TMPRSS2: variants seen among roughly 807,000 people sequenced by gnomAD.
TMPRSS2 encodes the protein transmembrane protease serine 2.
In TMPRSS2, 59 loss-of-function variants were observed where a neutral mutation model predicts 67.4. The observed-to-expected ratio is 0.88, with a 90% confidence interval of 0.71 to 1.09. The LOEUF (loss-of-function observed/expected upper bound fraction) is 1.09, where lower values mean the gene tolerates loss of function less well. Ranked by LOEUF, TMPRSS2 falls within the 50% of genes least tolerant of loss-of-function variation. The pLI is 0.00. For synonymous variants in TMPRSS2, 257 were observed against 257.0 expected, an observed-to-expected ratio of 1.00 and a Z score of 0.00; for missense variants, 668 against 642.7, an observed-to-expected ratio of 1.04 and a Z score of -0.43.
intron 13 of TMPRSS2, among the ~76,000 whole-genome samples, chr21:41,466,362 G>A (rs2091084060): frequency 6.6e-6 from 1 of 152,240 alleles, no homozygotes; most frequent in South Asian, 2.1e-4. Context: ...GGCAGCGGAT[G>A]TGGAGGCCGG....
chr21:41,466,626 G>GC (rs1569007714), intron 13 of TMPRSS2, among the ~76,000 whole-genome samples: 2 of 152,192 alleles, frequency 1.3e-5, no homozygotes, highest in African/African-American at 4.8e-5. Context: ...GCCAGGTGAC[G>GC]CCCCCTGGGC....
Position 41,480,518 on chromosome 21 carries a change from T to C in TMPRSS2, c.530A>G (p.Asn177Ser), listed in dbSNP as rs2091248660. ...GCAGGCCGCCCGCCCGTAGTTCTCG[T>C]TCCAGTCGTCTTGGCACACAGGGTG... ...SWHPVCQDDW[N>S]ENYGRAACRD... The change falls in exon 6 of 14, where the codon AAC becomes AGC. Residue 177 changes from asparagine to serine, a missense_variant. Transcript: ENST00000332149. 6.2e-7 allele frequency: 1 copy of C among 1,613,632 alleles called. No individual in the cohort carries two copies. Among genetic ancestry groups the C allele is most frequent in the Non-Finnish European group, 8.5e-7 (1 of 1,180,058 alleles).
At chr21:41,476,981 G>A (rs2091218811) in intron 7 of TMPRSS2, among the ~76,000 whole-genome samples, 3 of 152,152 alleles carry the variant, frequency 2.0e-5, no homozygotes, top group Admixed American at 6.5e-5. Flanking sequence ...AAGCCATTTG[G>A]AAACCTCTGG....
intron 6 of TMPRSS2, among the ~76,000 whole-genome samples, chr21:41,479,987 T>A (rs2091243934): frequency 6.6e-6 from 1 of 152,118 alleles, no homozygotes; most frequent in Non-Finnish European, 1.5e-5. Context: ...TTTTTAAGTA[T>A]CAGTCTGATT....
rs560639139 is a variant in TMPRSS2 at position 41,494,438 on chromosome 21, G to A, written c.156C>T (p.Tyr52=). 47 of 1,613,186 alleles carry A rather than the reference G, an allele frequency of 2.9e-5. No individual in the cohort carries two copies. The Middle Eastern group carries it at 4.9e-4, about 17-fold the overall frequency. ...AQYYPSPVPQ[Y]APRVLTQASN... ...AAGCCTGCGTCAGGACCCTCGGGGC[G>A]TACTGGGGCACGGGGGACGGGTAGT... The change falls in exon 3 of 14, where the codon TAC becomes TAT. Residue 52 remains tyrosine, a synonymous_variant. Coordinates refer to ENST00000332149, the MANE Select transcript of TMPRSS2 (RefSeq NM_005656.4).
chr21:41,480,626 A>G (rs775182598), intron 5 of TMPRSS2, 24 bp from the exon 6 acceptor site: 12 of 1,612,724 alleles, frequency 7.4e-6, no homozygotes, highest in Admixed American at 1.7e-5. Context: ...AGGATTATCC[A>G]TGAGTTTCTT....
Position 41,476,635 on chromosome 21 carries a change from G to T in TMPRSS2, c.684-15C>A, listed in dbSNP as rs62217528. The T allele has an allele frequency of 8.9e-4, 15 of 16,902 alleles. No homozygotes were observed. Among genetic ancestry groups the T allele is most frequent in the Non-Finnish European group, 5.5e-3 (5 of 910 alleles). 1.0% of individuals were successfully genotyped at this position (16,902 alleles called of 1,614,324 possible). ...AACAGGCATCACTGCAAAAAGAACA[G>T]GGGAAATTCTGGTCACGATAGTGCG... is the stretch of plus-strand genomic sequence containing the variant. On this transcript the variant is annotated splice_polypyrimidine_tract_variant and intron_variant, in intron 7 of 13. Coordinates refer to ENST00000332149, the MANE Select transcript of TMPRSS2 (RefSeq NM_005656.4).
intron 2 of TMPRSS2, among the ~76,000 whole-genome samples, 164 bp downstream of exon 2, chr21:41,497,955 C>T (rs1041074072): frequency 6.6e-5 from 10 of 152,350 alleles, no homozygotes; most frequent in East Asian, 1.9e-4. Context: ...TGTGTGGCTG[C>T]GCACCTGACT....
At chr21:41,501,608 C>CAAAAAAAAAAA (rs57394908) in intron 1 of TMPRSS2, among the ~76,000 whole-genome samples, 3 of 86,536 alleles carry the variant, frequency 3.5e-5, no homozygotes, top group African/African-American at 8.7e-5. Flanking sequence ...GACTCTGTCT[C>CAAAAAAAAAAA]AAAAAAAAAA....
At chr21:41,489,051 T>C (rs1055291860) in intron 4 of TMPRSS2, among the ~76,000 whole-genome samples, 2 of 152,062 alleles carry the variant, frequency 1.3e-5, no homozygotes, top group Admixed American at 6.5e-5. Flanking sequence ...ACCCTCTCAG[T>C]GTTTGGGTTT....
At chr21:41,473,571 C>T (rs1423515049) in intron 8 of TMPRSS2, 75 bp from the exon 9 acceptor site, 1 of 1,471,414 alleles carries the variant, frequency 6.8e-7, no homozygotes, top group African/African-American at 1.4e-5. Context: ...CCGCCCCTCC[C>T]AAGGGTCTCC....
chr21:41,502,804 G>A (rs1334374799), intron 1 of TMPRSS2, among the ~76,000 whole-genome samples: 1 of 152,192 alleles, frequency 6.6e-6, no homozygotes, highest in Non-Finnish European at 1.5e-5. Flanking sequence ...GGTATTGCCT[G>A]CATCATCCAA....
In TMPRSS2 at chr21:41,495,603, C is replaced by T. The variant is rs529128195; in HGVS notation, c.16-1025G>A. On this transcript the variant is annotated intron_variant, in intron 2 of 13. Transcript: ENST00000332149. ...TCACGTCACTACACTCCAGCCTGGG[C>T]GACAAGAGCGAAACTCCCGTCTCAA... Among the ~76,000 whole-genome samples, 29 of 136,114 alleles carry T rather than the reference C, an allele frequency of 2.1e-4. No individual in the cohort carries two copies. In the East Asian group the frequency reaches 5.1e-3, roughly 24 times the overall value. The allele number at this position is 136,114 out of a possible 152,430, so 89.3% of individuals were successfully genotyped here.
chr21:41,468,477 G>C lies in TMPRSS2; in HGVS notation c.1233C>G (p.Asn411Lys). ...KVLLIETQRC[N>K]SRYVYDNLIT... ...TCAGGTTGTCATAGACATATCTGCT[G>C]TTGCATCTCTGTGTCTCAATGAGAA... The change falls in exon 12 of 14, where the codon AAC becomes AAG. Residue 411 changes from asparagine (N) to lysine (K), a missense_variant. Asn to Lys is a moderately conservative substitution (Grantham distance 94). Transcript: ENST00000332149. 1.2e-6 allele frequency: 2 copies of C among 1,614,206 alleles called. No individual in the cohort carries two copies. The highest frequency in any genetic ancestry group is 1.7e-6 in the Non-Finnish European group (2 of 1,180,042).
chr21:41,466,803 C>T (rs2091088628), intron 13 of TMPRSS2, among the ~76,000 whole-genome samples: 1 of 152,202 alleles, frequency 6.6e-6, no homozygotes, highest in Non-Finnish European at 1.5e-5. Context: ...GTAGCCCAGC[C>T]CCAGAAAGCA....
Position 41,480,597 on chromosome 21 carries a change from G to C in TMPRSS2, c.451C>G (p.Leu151Val). The stretch of plus-strand genomic sequence containing the variant: ...TGAAGGATGAAGTTTGGTCCGTAGA[G>C]GCGAACTGCACGAGAGGGAGGATTA... ...GGEDENRCVR[L>V]YGPNFILQVY... is the part of the protein sequence containing the mutation. Residue 151 changes from leucine (L) to valine (V), a missense_variant, in exon 6 of 14, where the codon CTC becomes GTC. Leu to Val is a conservative substitution (Grantham distance 32). Transcript: ENST00000332149. 9 of 1,613,648 alleles carry C rather than the reference G, an allele frequency of 5.6e-6. No homozygotes were observed. The highest frequency in any genetic ancestry group is 7.6e-6 in the Non-Finnish European group (9 of 1,180,026).
In TMPRSS2 at chr21:41,476,599, T is replaced by C; in HGVS notation, c.705A>G (p.Ala235=). ...LYHSDACSSK[A]VVSLRCIACG... Reference sequence around the variant, plus strand: ...TACCTATACAGCGTAAAGAAACCACTGCTTTTGAAGAACAGGCATCACTGC... The same window carrying C: ...TACCTATACAGCGTAAAGAAACCACCGCTTTTGAAGAACAGGCATCACTGC... The change falls in exon 8 of 14, where the codon GCA becomes GCG. Residue 235 remains alanine (A), a synonymous_variant. Transcript: ENST00000332149. 2 of 1,608,614 alleles carry C rather than the reference T, an allele frequency of 1.2e-6. No individual in the cohort carries two copies. Among genetic ancestry groups the C allele is most frequent in the East Asian group, 2.2e-5 (1 of 44,770 alleles).
rs528640390 is a variant in TMPRSS2 at position 41,495,974 on chromosome 21, A to G, written c.16-1396T>C. 2.1e-3 allele frequency among the ~76,000 whole-genome samples: 326 copies of G among 152,328 alleles called. 4 individuals are homozygous for G. The highest frequency in any genetic ancestry group is 7.6e-3 in the African/African-American group (318 of 41,576). ...AGTAAAATATAGTAATAATTTTAAA[A>G]AGTTGTGTAGAGGTTTGGAGTTAGA... On this transcript the variant is annotated intron_variant, in intron 2 of 13. Coordinates refer to ENST00000332149, the MANE Select transcript of TMPRSS2 (RefSeq NM_005656.4).
At position 41,480,562 on chromosome 21, in the gene TMPRSS2, T is replaced by G. The variant is rs1302465400; in HGVS notation, c.486A>C (p.Ser162=). 1.2e-6 allele frequency: 2 copies of G among 1,613,714 alleles called. No homozygotes were observed. Among genetic ancestry groups the G allele is most frequent in the East Asian group, 4.5e-5 (2 of 44,898 alleles). The part of the protein sequence containing the change: ...YGPNFILQVY[S]SQRKSWHPVC... ...CAGGGTGCCAGGACTTCCTCTGAGA[T>G]GAGTACACCTGAAGGATGAAGTTTG... Residue 162 remains serine, a synonymous_variant, in exon 6 of 14, where the codon TCA becomes TCC. Transcript: ENST00000332149.
Sources: allele counts gnomAD v4.1 joint callset (sites outside exome capture counted in the v4.1 genomes callset), GRCh38; gene constraint gnomAD v4.1.1; transcripts MANE v1.5; gene names NCBI Gene and HGNC (gene_info 2026-07-23, HGNC 2026-07-21).